The following CPNE4 variants were observed in gnomAD, a reference collection of about 807,000 sequenced individuals.
CPNE4 encodes copine-4.
In CPNE4, 25 loss-of-function variants were observed where a neutral mutation model predicts 67.9. That is an observed-to-expected ratio of 0.37 (90% CI 0.27 to 0.51). The LOEUF (loss-of-function observed/expected upper bound fraction) is 0.51, where lower values mean the gene tolerates loss of function less well. Among genes scored for constraint, CPNE4 ranks in the 20% least tolerant of loss-of-function variants. The probability of loss-of-function intolerance (pLI) is 0.93; values close to 1 mark genes in which losing one functional copy is unlikely to be tolerated. For missense variants in CPNE4, 464 were observed against 690.8 expected (o/e 0.67, Z 3.68); for synonymous variants, 242 against 244.9 (o/e 0.99, Z 0.11).
intron 1 of CPNE4, among the ~76,000 whole-genome samples, chr3:131,998,817 T>A (rs2073358705): frequency 1.3e-5 from 2 of 152,144 alleles, no homozygotes; most frequent in African/African-American, 4.8e-5. Flanking sequence ...CATATTATGC[T>A]ATTTTTCACC....
At chr3:131,908,217 A>G (rs565233598) in intron 1 of CPNE4, among the ~76,000 whole-genome samples, 2 of 152,132 alleles carry the variant, frequency 1.3e-5, no homozygotes, top group Non-Finnish European at 2.9e-5. Flanking sequence ...TTCTATTCAA[A>G]TACAGAAAAT....
chr3:131,895,972 T>C (rs2088313517), intron 2 of CPNE4, among the ~76,000 whole-genome samples: 1 of 151,932 alleles, frequency 6.6e-6, no homozygotes. Flanking sequence ...ATAATCCCAG[T>C]GGAGGCCAAG....
At chr3:131,793,818 C>T (rs1022300365) in intron 2 of CPNE4, among the ~76,000 whole-genome samples, 2 of 152,136 alleles carry the variant, frequency 1.3e-5, no homozygotes, top group African/African-American at 4.8e-5. Context: ...ACCTTCATGT[C>T]TGTATACATG....
At chr3:131,947,842 C>T (rs2107876486) in intron 1 of CPNE4, among the ~76,000 whole-genome samples, 1 of 152,292 alleles carries the variant, frequency 6.6e-6, no homozygotes, top group African/African-American at 2.4e-5. Flanking sequence ...AACTAATTTA[C>T]ACCCCCATCA....
intron 7 of CPNE4, among the ~76,000 whole-genome samples, chr3:131,641,893 A>T (rs1264139137): frequency 6.6e-6 from 1 of 152,220 alleles, no homozygotes; most frequent in Non-Finnish European, 1.5e-5. Context: ...ATTCGAAGTG[A>T]AGTAATTCAG....
intron 6 of CPNE4, among the ~76,000 whole-genome samples, chr3:131,676,540 T>C (rs1429049167): frequency 6.6e-6 from 1 of 152,104 alleles, no homozygotes; most frequent in African/African-American, 2.4e-5. Flanking sequence ...TACCACCTTC[T>C]GCCCTCTGAT....
chr3:131,753,656 A>G (rs1001267587), intron 2 of CPNE4, among the ~76,000 whole-genome samples: 2 of 152,214 alleles, frequency 1.3e-5, no homozygotes, highest in South Asian at 2.1e-4. Flanking sequence ...AAATCCAAAT[A>G]GCCAACATAT....
chr3:131,893,853 AAAGG>A (rs2088215148), intron 2 of CPNE4, among the ~76,000 whole-genome samples: 1 of 151,942 alleles, frequency 6.6e-6, no homozygotes, highest in Non-Finnish European at 1.5e-5. Context: ...GAAACATCAA[AAAGG>A]AAGAAAGATT....
rs148204798 is a variant in CPNE4 at position 131,708,237 on chromosome 3, T to G, written c.361-8257A>C. ...AGGAAAAGCTCCTAGGGTCTGGACC[T>G]CTGGCTCCTGGGAAGAAGAAGGAGC... On this transcript the variant is annotated intron_variant, in intron 3 of 15. Coordinates refer to ENST00000429747, the MANE Select transcript of CPNE4 (RefSeq NM_130808.3). Among the ~76,000 whole-genome samples the G allele has an allele frequency of 9.3e-5, 14 of 151,024 alleles. No homozygotes were observed. The East Asian group carries it at 2.7e-3, about 29-fold the overall frequency.
chr3:131,902,049 C>T (rs1233891851), intron 2 of CPNE4, among the ~76,000 whole-genome samples: 1 of 149,808 alleles, frequency 6.7e-6, no homozygotes, highest in East Asian at 2.0e-4. Flanking sequence ...AATTATTTCT[C>T]TTAGCCACCT....
chr3:131,982,455 A>C (rs1319142165), intron 1 of CPNE4, among the ~76,000 whole-genome samples: 1 of 152,210 alleles, frequency 6.6e-6, no homozygotes, highest in Non-Finnish European at 1.5e-5. Flanking sequence ...GAAGTGCTAG[A>C]CTGAGAAACT....
At chr3:131,851,132 C>T (rs1045700507) in intron 2 of CPNE4, among the ~76,000 whole-genome samples, 2 of 151,900 alleles carry the variant, frequency 1.3e-5, no homozygotes, top group African/African-American at 2.4e-5. Flanking sequence ...CCATTAGGTA[C>T]ATGTATGTAT....
At chr3:131,803,975 C>T (rs990835262) in intron 2 of CPNE4, among the ~76,000 whole-genome samples, 3 of 152,136 alleles carry the variant, frequency 2.0e-5, no homozygotes, top group African/African-American at 7.2e-5. Context: ...CACAATAAAT[C>T]AATACATCTT....
At chr3:131,644,203 A>G (rs1019990969) in intron 7 of CPNE4, among the ~76,000 whole-genome samples, 5 of 151,822 alleles carry the variant, frequency 3.3e-5, no homozygotes, top group Non-Finnish European at 7.4e-5. Flanking sequence ...GCTGGAGTGC[A>G]GTGGCATGAT....
intron 1 of CPNE4, among the ~76,000 whole-genome samples, chr3:131,941,205 C>T (rs1305544565): frequency 1.3e-5 from 2 of 151,928 alleles, no homozygotes. Flanking sequence ...ATTAATAATA[C>T]TTAAACTATA....
intron 2 of CPNE4, among the ~76,000 whole-genome samples, chr3:131,761,659 C>G (rs1321993800): frequency 6.6e-6 from 1 of 152,074 alleles, no homozygotes; most frequent in Non-Finnish European, 1.5e-5. Flanking sequence ...GCAACTAACA[C>G]CTGCACTTAG....
intron 3 of CPNE4, among the ~76,000 whole-genome samples, chr3:131,717,882 CTTTCTT>C (rs746832863): frequency 0.2 from 10,494 of 53,696 alleles, 961 homozygotes; most frequent in Middle Eastern, 0.26. Context: ...TCTTTTCTTT[CTTTCTT>C]TCTTTCTTTC....
In CPNE4 at chr3:131,876,826, C is replaced by G. The variant is rs372974700; in HGVS notation, c.180+28438G>C. 3.9e-4 allele frequency among the ~76,000 whole-genome samples: 59 copies of G among 152,194 alleles called. 2 individuals carry two copies. In the South Asian group the frequency reaches 0.012, roughly 31 times the overall value. On this transcript the variant is annotated intron_variant, in intron 2 of 15. Transcript: ENST00000429747. ...ACCAGAAGACCTGCTAGGAATCACACAGCAAATGCTCCCTAAATCACAGTG... is the reference window on the plus strand; with the variant it reads ...ACCAGAAGACCTGCTAGGAATCACAGAGCAAATGCTCCCTAAATCACAGTG...
intron 15 of CPNE4, among the ~76,000 whole-genome samples, chr3:131,536,247 G>A (rs1484723614): frequency 2.0e-5 from 3 of 152,154 alleles, no homozygotes; most frequent in Non-Finnish European, 2.9e-5. Flanking sequence ...TGATTTTGGG[G>A]TAGGGGCACA....
Sources: allele counts gnomAD v4.1 joint callset (sites outside exome capture counted in the v4.1 genomes callset), GRCh38; gene constraint gnomAD v4.1.1; transcripts MANE v1.5; gene names NCBI Gene and HGNC (gene_info 2026-07-23, HGNC 2026-07-21).